MED25: variants seen among roughly 807,000 people sequenced by gnomAD.
MED25 encodes the protein mediator complex subunit 25.
A neutral mutation model predicts 89.4 loss-of-function variants in MED25; 62 were observed. The observed-to-expected ratio is 0.69, with a 90% CI of 0.57 to 0.86. MED25 has a LOEUF of 0.86. Ranked by LOEUF, MED25 falls within the 40% of genes least tolerant of loss-of-function variation. The pLI, the probability that MED25 is intolerant of heterozygous loss-of-function variation, is 0.00. For synonymous variants in MED25, 449 were observed against 427.9 expected (o/e 1.05, Z -0.61); for missense variants, 905 against 1,005.2 (o/e 0.90, Z 1.35).
chr19:49,822,894 G>A (rs1027098903), intron 3 of MED25, among the ~76,000 whole-genome samples: 9 of 151,836 alleles, frequency 5.9e-5, no homozygotes, highest in Admixed American at 5.2e-4. Context: ...TGATCCACCC[G>A]CCTCGGCCTC....
Position 49,834,827 on chromosome 19 carries a change from C to T in MED25, c.1483-159C>T, listed in dbSNP as rs2074083830. On this transcript the variant is annotated intron_variant, in intron 13 of 17. Transcript: ENST00000312865. This position sits in a 1 kb window ranked among gnomAD's most constrained non-coding sequence, Gnocchi z 4.1. ...GCCCTGAGCGCCTCAGTTTCTGTCTCCAGAGCAACCCATAGCACACCTGTT... is the reference window on the plus strand; with the variant it reads ...GCCCTGAGCGCCTCAGTTTCTGTCTTCAGAGCAACCCATAGCACACCTGTT... The T allele has an allele frequency of 9.5e-6, 7 of 736,002 alleles. No individual in the cohort carries two copies. The highest frequency in any genetic ancestry group is 2.7e-5 in the East Asian group (1 of 37,590). 45.6% of individuals were successfully genotyped at this position (736,002 alleles called of 1,614,324 possible).
Position 49,830,974 on chromosome 19 carries a change from G to C in MED25, c.1101+87G>C. ...TAGAGGATGAGTCATTTGCCTTCCA[G>C]GGGGATGTGGCTCTCGTGGTTCTGG... On this transcript the variant is annotated intron_variant, in intron 9 of 17. Transcript: ENST00000312865. The surrounding 1 kb of genome is among the most constrained non-coding windows in gnomAD (Gnocchi z 4.6). 7.1e-7 allele frequency: 1 copy of C among 1,415,538 alleles called. No individual in the cohort carries two copies. The highest frequency in any genetic ancestry group is 9.9e-7 in the Non-Finnish European group (1 of 1,014,368). The allele number at this position is 1,415,538 out of a possible 1,614,324, so 87.7% of individuals were successfully genotyped here. A position where few individuals can be genotyped will look rare whatever the true frequency, so the allele number is the denominator to read the frequency against.
rs1246459219 is a variant in MED25 at position 49,818,981 on chromosome 19, G to A, written c.181-191G>A. The stretch of plus-strand genomic sequence containing the variant: ...GCCTGGGCTCCTGGGTCTGAGGGAG[G>A]AGGGGCCGGGGGCCTGGATTCCTGG... On this transcript the variant is annotated intron_variant, in intron 2 of 17. Coordinates refer to ENST00000312865, the MANE Select transcript of MED25 (RefSeq NM_030973.4). The A allele has an allele frequency of 4.3e-6, 3 of 705,240 alleles. No individual in the cohort carries two copies. In the East Asian group the frequency reaches 8.2e-5, roughly 19 times the overall value. 43.7% of individuals were successfully genotyped at this position (705,240 alleles called of 1,614,324 possible).
Position 49,835,328 on chromosome 19 carries a change from C to T in MED25, c.1674+151C>T. 1 of 1,036,880 alleles carries T rather than the reference C, an allele frequency of 9.6e-7. No individual in the cohort carries two copies. The highest frequency in any genetic ancestry group is 2.4e-4 in the Middle Eastern group (1 of 4,174). 64.2% of individuals were successfully genotyped at this position (1,036,880 alleles called of 1,614,324 possible). The stretch of plus-strand genomic sequence containing the variant: ...TCCCACTCAGATTTTCTTGCAGTCT[C>T]TCTCCTTTTTCAGCATCCACATCAA... On this transcript the variant is annotated intron_variant, in intron 14 of 17. Transcript: ENST00000312865. This position sits in a 1 kb window ranked among gnomAD's most constrained non-coding sequence, Gnocchi z 6.2.
At chr19:49,840,273 C>G (rs1427445276), downstream of MED25, 2 of 152,108 alleles carry the variant, frequency 1.3e-5, no homozygotes, top group Admixed American at 6.6e-5. Context: ...TTCTATTTTT[C>G]AATTTGTATT....
At chr19:49,839,933 T>A (rs2074123006), downstream of MED25, 1 of 152,240 alleles carries the variant, frequency 6.6e-6, no homozygotes, top group South Asian at 2.1e-4. Context: ...AAATAGTAAT[T>A]GAACTACAGT....
At position 49,829,218 on chromosome 19, in the gene MED25, C is replaced by G. The variant is rs1217272401; in HGVS notation, c.525+128C>G. On this transcript the variant is annotated intron_variant, in intron 5 of 17. Coordinates refer to ENST00000312865, the MANE Select transcript of MED25 (RefSeq NM_030973.4). This position sits in a 1 kb window ranked among gnomAD's most constrained non-coding sequence, Gnocchi z 4.6. The stretch of plus-strand genomic sequence containing the variant: ...GCACTGGGGGCCTGGACTCTTGGGT[C>G]TAAGCGGGGAGGCACTGGGGGCCTG... 2 of 814,012 alleles carry G rather than the reference C, an allele frequency of 2.5e-6. No individual in the cohort carries two copies. The highest frequency in any genetic ancestry group is 5.4e-5 in the East Asian group (2 of 36,806). 50.4% of individuals were successfully genotyped at this position (814,012 alleles called of 1,614,324 possible). A position where few individuals can be genotyped will look rare whatever the true frequency, so the allele number is the denominator to read the frequency against.
At position 49,829,788 on chromosome 19, in the gene MED25, G is replaced by T; in HGVS notation, c.528G>T (p.Arg176=). ...ACTGCTCGGCCCCTCTCCTACAGCG[G>T]GGGATCCACTTCTCCATTGTGTCTC... The part of the protein sequence containing the change: ...TENLVQQIGE[R]GIHFSIVSPR... The change falls in exon 6 of 18, where the codon CGG becomes CGT. Residue 176 remains arginine (R), a splice_region_variant and synonymous_variant. Coordinates refer to ENST00000312865, the MANE Select transcript of MED25 (RefSeq NM_030973.4). The surrounding 1 kb of genome is among the most constrained non-coding windows in gnomAD (Gnocchi z 4.6). 6.3e-7 allele frequency: 1 copy of T among 1,590,880 alleles called. No individual in the cohort carries two copies. Among genetic ancestry groups the T allele is most frequent in the East Asian group, 2.3e-5 (1 of 43,430 alleles).
intron 13 of MED25, chr19:49,832,884 G>C (rs961102432): frequency 2.3e-5 from 6 of 262,012 alleles, no homozygotes; most frequent in African/African-American, 1.3e-4. Context: ...CCAGGCTTCA[G>C]GTGGCATCGC....
At chr19:49,838,872 G>A (rs751725321), downstream of MED25, 129 of 407,324 alleles carry the variant, frequency 3.2e-4, 1 homozygote, top group Non-Finnish European at 5.1e-4. Flanking sequence ...GCAGTGGTAC[G>A]CCGTTCCGGA....
rs750201507 is a variant in MED25, at chr19:49,830,862, C to T, written c.1076C>T (p.Thr359Met). ...TVAPGSGLAP[T>M]AQPGAPSMAG... ...GCCCCTGGCTCCGGCCTGGCTCCCACGGCACAGCCCGGGGCACCGTCCATG... is the reference window on the plus strand; with the variant it reads ...GCCCCTGGCTCCGGCCTGGCTCCCATGGCACAGCCCGGGGCACCGTCCATG... The change falls in exon 9 of 18, where the codon ACG (threonine) becomes ATG (methionine). Residue 359 changes from threonine to methionine, a missense_variant. Physicochemically the swap from Thr to Met is moderately conservative, Grantham distance 81. This residue lies in a region of MED25 where 501 missense variants were observed against 526.9 expected (regional missense o/e 0.95). Coordinates refer to ENST00000312865, the MANE Select transcript of MED25 (RefSeq NM_030973.4). This position sits in a 1 kb window ranked among gnomAD's most constrained non-coding sequence, Gnocchi z 4.6. The T allele has an allele frequency of 5.8e-5, 93 of 1,611,194 alleles. No homozygotes were observed. The highest frequency in any genetic ancestry group is 7.1e-5 in the Non-Finnish European group (84 of 1,179,852).
chr19:49,835,936 C>T lies in MED25; in HGVS notation c.1956C>T (p.Asn652=), dbSNP rs1317284938. 3 of 1,612,914 alleles carry T rather than the reference C, an allele frequency of 1.9e-6. No individual in the cohort carries two copies. The highest frequency in any genetic ancestry group is 2.5e-6 in the Non-Finnish European group (3 of 1,179,968). The change falls in exon 16 of 18, where the codon AAC becomes AAT. Residue 652 remains asparagine, a synonymous_variant. Coordinates refer to ENST00000312865, the MANE Select transcript of MED25 (RefSeq NM_030973.4). This position sits in a 1 kb window ranked among gnomAD's most constrained non-coding sequence, Gnocchi z 6.2. ...ANPQLRSLLL[N]PPPPQTGVPP... ...CTCAGCTGCGAAGCCTCCTCCTCAACCCACCACCGGTGAGATGTTGGGGTG... is the reference window on the plus strand; with the variant it reads ...CTCAGCTGCGAAGCCTCCTCCTCAATCCACCACCGGTGAGATGTTGGGGTG...
rs141471634 is a variant in MED25, at chr19:49,831,577, G to T, written c.1230+116G>T. The T allele has an allele frequency of 3.8e-6, 5 of 1,324,966 alleles. No individual in the cohort carries two copies. The highest frequency in any genetic ancestry group is 2.4e-5 in the Admixed American group (1 of 42,234). 82.1% of individuals were successfully genotyped at this position (1,324,966 alleles called of 1,614,324 possible). On this transcript the variant is annotated intron_variant, in intron 10 of 17. Transcript: ENST00000312865. This position sits in a 1 kb window ranked among gnomAD's most constrained non-coding sequence, Gnocchi z 5.0. ...TGCAGTGCTGGGTTTGGAGGCATTC[G>T]TTGCGCTGGACCTGTGGGATGCGGG...
downstream of MED25, among the ~76,000 whole-genome samples, chr19:49,837,650 T>C (rs1443730865): frequency 6.6e-6 from 1 of 151,862 alleles, no homozygotes; most frequent in Non-Finnish European, 1.5e-5. Context: ...AGAGGTTCGC[T>C]CCCGGGGGCC....
rs1288965750 is a variant in MED25, at chr19:49,831,853, G to A, written c.1231-83G>A. On this transcript the variant is annotated intron_variant, in intron 10 of 17. Coordinates refer to ENST00000312865, the MANE Select transcript of MED25 (RefSeq NM_030973.4). This position sits in a 1 kb window ranked among gnomAD's most constrained non-coding sequence, Gnocchi z 5.0. ...AAACTGGGGAACATCCTGAGCTTTG[G>A]GGCTACCAGGGTAGGACATGAGGGC... The A allele has an allele frequency of 2.2e-5, 28 of 1,278,538 alleles. No individual in the cohort carries two copies. Among genetic ancestry groups the A allele is most frequent in the Admixed American group, 3.4e-5 (2 of 58,718 alleles). The allele number at this position is 1,278,538 out of a possible 1,614,324, so 79.2% of individuals were successfully genotyped here.
At chr19:49,821,505 GC>G (rs1471290564) in intron 3 of MED25, among the ~76,000 whole-genome samples, 1 of 152,164 alleles carries the variant, frequency 6.6e-6, no homozygotes, top group African/African-American at 2.4e-5. Flanking sequence ...GGTGGCTCAC[GC>G]CTGTAATCCC....
Position 49,835,902 on chromosome 19 carries a change from G to C in MED25, c.1922G>C (p.Gly641Ala). Reference protein sequence around the residue: ...PGPILRPQNPGANPQLRSLLL... With the variant: ...PGPILRPQNPAANPQLRSLLL... ...CCCATCCTTCGGCCCCAGAACCCTG[G>C]GGCCAACCCTCAGCTGCGAAGCCTC... The change falls in exon 16 of 18, where the codon GGG becomes GCG. Residue 641 changes from glycine to alanine, a missense_variant. Coordinates refer to ENST00000312865, the MANE Select transcript of MED25 (RefSeq NM_030973.4). The surrounding 1 kb of genome is among the most constrained non-coding windows in gnomAD (Gnocchi z 6.2). The C allele has an allele frequency of 9.9e-6, 16 of 1,612,844 alleles. No homozygotes were observed. Among genetic ancestry groups the C allele is most frequent in the Non-Finnish European group, 1.4e-5 (16 of 1,179,950 alleles).
At chr19:49,819,064 A>C in intron 2 of MED25, 108 bp from the exon 3 acceptor site, 1 of 1,351,802 alleles carries the variant, frequency 7.4e-7, no homozygotes, top group Non-Finnish European at 1.0e-6. Flanking sequence ...GAGGAAGCTG[A>C]GGAGTTCCTG....
In MED25 at chr19:49,829,132, G is replaced by A. The variant is rs377719195; in HGVS notation, c.525+42G>A. The A allele has an allele frequency of 1.9e-4, 306 of 1,572,746 alleles. 1 individual carries two copies. In the African/African-American group the frequency reaches 2.2e-3, roughly 11 times the overall value. ...CTGAGGGACGAGGGTCTGGGGGCCCGGAGTCTTGGGTCTGAGGCAGGAGGC... is the reference window on the plus strand; with the variant it reads ...CTGAGGGACGAGGGTCTGGGGGCCCAGAGTCTTGGGTCTGAGGCAGGAGGC... On this transcript the variant is annotated intron_variant, in intron 5 of 17. Transcript: ENST00000312865. This position sits in a 1 kb window ranked among gnomAD's most constrained non-coding sequence, Gnocchi z 4.6.
Sources: gnomAD v4.1 joint callset for allele counts (sites outside exome capture counted in the v4.1 genomes callset) on GRCh38, gnomAD v4.1.1 for gene constraint, gnomAD v4.1.1 regional missense constraint, Gnocchi (gnomAD v3.1) non-coding constraint, MANE v1.5 for transcripts, NCBI Gene and HGNC (gene_info 2026-07-23, HGNC 2026-07-21) for gene names.